SND1: variants seen among roughly 807,000 people sequenced by gnomAD.
The protein encoded by SND1 is staphylococcal nuclease and tudor domain containing 1.
Under a neutral mutation model 121.7 loss-of-function variants are expected in SND1, and 38 were observed. The observed-to-expected ratio is 0.31, with a 90% confidence interval of 0.24 to 0.41. The LOEUF is 0.41. Ranked by LOEUF, SND1 falls within the 10% of genes least tolerant of loss-of-function variation. The probability of loss-of-function intolerance (pLI) is 1.00; values close to 1 mark genes in which losing one functional copy is unlikely to be tolerated. For synonymous variants in SND1, 401 were observed against 447.4 expected, an observed-to-expected ratio of 0.90 and a Z score of 1.31; for missense variants, 868 against 1,184.6, an observed-to-expected ratio of 0.73 and a Z score of 3.92.
chr7:127,731,949 G>A lies in SND1; in HGVS notation c.1152+10549G>A, dbSNP rs866047450. On this transcript the variant is annotated intron_variant, in intron 10 of 23. Coordinates refer to ENST00000354725, the MANE Select transcript of SND1 (RefSeq NM_014390.4). ...ATCTCTCACCCCCATCACCCAGTAA[G>A]AAGTGCATTCTCAGGGCAGAAGCTA... is the stretch of plus-strand genomic sequence containing the variant. Among the ~76,000 whole-genome samples the A allele has an allele frequency of 3.9e-5, 6 of 152,302 alleles. No individual in the cohort carries two copies. The South Asian group carries it at 1.2e-3, about 32-fold the overall frequency.
At chr7:127,972,137 G>A (rs1053172806) in intron 15 of SND1, among the ~76,000 whole-genome samples, 21 of 152,162 alleles carry the variant, frequency 1.4e-4, no homozygotes, top group Admixed American at 5.2e-4. Context: ...AAGATATGAA[G>A]TATTTCTAAC....
At chr7:128,066,989 C>A (rs944679155) in intron 16 of SND1, among the ~76,000 whole-genome samples, 5 of 152,178 alleles carry the variant, frequency 3.3e-5, no homozygotes, top group African/African-American at 1.2e-4. Context: ...CCCGCGCCCC[C>A]CTGCAAGTTC....
At chr7:128,072,104 GC>G (rs896162370) in intron 16 of SND1, among the ~76,000 whole-genome samples, 2 of 152,240 alleles carry the variant, frequency 1.3e-5, no homozygotes, top group African/African-American at 4.8e-5. Context: ...GTGGATTGCA[GC>G]CTCAGAGAGC....
chr7:127,807,644 A>T, intron 11 of SND1, 71 bp downstream of exon 11: 11 of 1,188,702 alleles, frequency 9.3e-6, no homozygotes, highest in Non-Finnish European at 1.4e-5. Flanking sequence ...GGCAATTGTT[A>T]TAAGCTGGGC....
chr7:127,852,201 TA>T lies in SND1; in HGVS notation c.1343+7785del, dbSNP rs1399508781. 5.6e-4 allele frequency among the ~76,000 whole-genome samples: 83 copies of T among 148,458 alleles called. 1 individual carries two copies. Among genetic ancestry groups the T allele is most frequent in the Middle Eastern group, 3.6e-3 (1 of 276 alleles). ...AATAAATAAAATAAAATAAAATAAA[TA>T]AAAAAAATAATCCTGGGCGAGATGG... On this transcript the variant is annotated intron_variant, in intron 12 of 23. Coordinates refer to ENST00000354725, the MANE Select transcript of SND1 (RefSeq NM_014390.4).
At chr7:127,752,683 C>T (rs1301708463) in intron 10 of SND1, among the ~76,000 whole-genome samples, 1 of 152,180 alleles carries the variant, frequency 6.6e-6, no homozygotes, top group Non-Finnish European at 1.5e-5. Context: ...GCCATTGTAG[C>T]TGAAATTAAA....
intron 12 of SND1, among the ~76,000 whole-genome samples, chr7:127,859,202 A>T (rs956720597): frequency 1.3e-5 from 2 of 152,186 alleles, no homozygotes; most frequent in Non-Finnish European, 2.9e-5. Flanking sequence ...TGGTTTTGTC[A>T]TAATGGCCAC....
At chr7:127,798,615 T>C (rs764183485) in intron 10 of SND1, among the ~76,000 whole-genome samples, 4 of 152,206 alleles carry the variant, frequency 2.6e-5, no homozygotes, top group Non-Finnish European at 4.4e-5. Context: ...TTAATCAAGT[T>C]CTCCAGTGTG....
At chr7:128,067,311 G>A (rs1562888101) in intron 16 of SND1, among the ~76,000 whole-genome samples, 1 of 152,136 alleles carries the variant, frequency 6.6e-6, no homozygotes, top group East Asian at 1.9e-4. Flanking sequence ...TTCCCATCCA[G>A]GCCGCTTGCT....
intron 16 of SND1, among the ~76,000 whole-genome samples, chr7:128,058,091 C>T (rs1435754964): frequency 3.3e-5 from 5 of 152,268 alleles, no homozygotes; most frequent in African/African-American, 1.2e-4. Flanking sequence ...CAGAGGAAAG[C>T]TCCCATGTAG....
At chr7:127,851,950 AG>A (rs1236121801) in intron 12 of SND1, among the ~76,000 whole-genome samples, 2 of 152,108 alleles carry the variant, frequency 1.3e-5, no homozygotes, top group African/African-American at 4.8e-5. Flanking sequence ...TCAGCCCAGG[AG>A]TTCGAATCCA....
At chr7:127,922,175 C>CTTTTTTTTTTTTTTTTGTTTTTTTTTGTT (rs1800722215) in intron 14 of SND1, among the ~76,000 whole-genome samples, 2 of 57,174 alleles carry the variant, frequency 3.5e-5, no homozygotes, top group African/African-American at 1.5e-4. Flanking sequence ...TTTTTCTTTC[C>CTTTTTTTTTTTTTTTTGTTTTTTTTTGTT]TTTTTTTTTT....
chr7:127,689,601 G>T (rs1235998235), intron 2 of SND1, among the ~76,000 whole-genome samples: 2 of 152,172 alleles, frequency 1.3e-5, no homozygotes, highest in Non-Finnish European at 2.9e-5. Flanking sequence ...CTAGGTGAAA[G>T]GATACTGTGT....
chr7:127,972,567 A>C (rs573235075), intron 15 of SND1, among the ~76,000 whole-genome samples: 17 of 151,824 alleles, frequency 1.1e-4, no homozygotes, highest in African/African-American at 4.1e-4. Flanking sequence ...CTATCTTTGA[A>C]CTTCAGAAAT....
At chr7:127,767,865 A>G (rs569555795) in intron 10 of SND1, among the ~76,000 whole-genome samples, 4 of 152,286 alleles carry the variant, frequency 2.6e-5, no homozygotes, top group South Asian at 2.1e-4. Flanking sequence ...ATCAGTACGC[A>G]TGTTAGGAAT....
At chr7:128,031,290 G>A (rs1792592469) in intron 16 of SND1, among the ~76,000 whole-genome samples, 1 of 151,942 alleles carries the variant, frequency 6.6e-6, no homozygotes, top group African/African-American at 2.4e-5. Context: ...CATCGCCAAA[G>A]TGCGCTCCGG....
intron 17 of SND1, among the ~76,000 whole-genome samples, chr7:128,079,986 C>A (rs1314218021): frequency 1.3e-5 from 2 of 152,226 alleles, no homozygotes; most frequent in East Asian, 3.9e-4. Context: ...GATTTCACTA[C>A]TTCTAGCTGC....
chr7:127,930,764 T>G (rs117810884), intron 15 of SND1, among the ~76,000 whole-genome samples: 17 of 152,264 alleles, frequency 1.1e-4, no homozygotes, highest in Non-Finnish European at 2.4e-4. Context: ...CCCATGAAGT[T>G]TCTTGGTAGT....
intron 1 of SND1, among the ~76,000 whole-genome samples, chr7:127,684,214 C>T (rs936117720): frequency 1.3e-5 from 2 of 152,216 alleles, no homozygotes; most frequent in East Asian, 1.9e-4. Context: ...AGTTCACCTT[C>T]GTCAGAGAGG....
Sources: gnomAD v4.1 joint callset for allele counts (sites outside exome capture counted in the v4.1 genomes callset) on GRCh38, gnomAD v4.1.1 for gene constraint, MANE v1.5 for transcripts, NCBI Gene and HGNC (gene_info 2026-07-23, HGNC 2026-07-21) for gene names.